ATP2B2: variants seen among roughly 807,000 people sequenced by gnomAD.
ATP2B2 encodes the protein plasma membrane calcium-transporting ATPase 2.
Under a neutral mutation model 120.0 loss-of-function variants are expected in ATP2B2, and 15 were observed. The ratio of observed to expected loss-of-function variants is 0.12; its 90% CI spans 0.08 to 0.19. The LOEUF (loss-of-function observed/expected upper bound fraction) is 0.19. ATP2B2 is among the 10% of genes least tolerant of loss of function. ATP2B2 has a pLI of 1.00. For missense variants in ATP2B2, 1,045 were observed against 1,719.8 expected (o/e 0.61, Z 6.94); for synonymous variants, 694 against 700.3 (o/e 0.99, Z 0.14).
chr3:10,541,961 T>A (rs1165567959), intron 2 of ATP2B2, among the ~76,000 whole-genome samples: 2 of 152,204 alleles, frequency 1.3e-5, no homozygotes, highest in Non-Finnish European at 2.9e-5. Context: ...AGGATTGCTA[T>A]GTCTTCCTGA....
intron 2 of ATP2B2, among the ~76,000 whole-genome samples, chr3:10,421,207 T>C (rs972651110): frequency 6.6e-6 from 1 of 152,184 alleles, no homozygotes; most frequent in African/African-American, 2.4e-5. Context: ...CGGCACAGCA[T>C]CACCTTTGAG....
Position 10,350,067 on chromosome 3 carries a change from C to T in ATP2B2, c.2404+45G>A, listed in dbSNP as rs374682755. On this transcript the variant is annotated intron_variant, in intron 16 of 22. Transcript: ENST00000360273. ...CAGGAGAGGAGGGCCCAGCTTCTGG[C>T]CTGGTGCTGGGCTTCAGGATTGCCC... is the stretch of plus-strand genomic sequence containing the variant. 3.1e-6 allele frequency: 5 copies of T among 1,592,868 alleles called. No individual in the cohort carries two copies. The African/African-American group carries it at 6.7e-5, about 21-fold the overall frequency.
At chr3:10,489,746 T>G (rs936296100) in intron 1 of ATP2B2, among the ~76,000 whole-genome samples, 2 of 152,316 alleles carry the variant, frequency 1.3e-5, no homozygotes, top group Admixed American at 1.3e-4. Context: ...CTACCCCAGC[T>G]GCACCGTGAG....
intron 1 of ATP2B2, among the ~76,000 whole-genome samples, chr3:10,684,564 G>GT (rs2125706860): frequency 6.6e-6 from 1 of 152,322 alleles, no homozygotes; most frequent in East Asian, 1.9e-4. Flanking sequence ...TATCTATTTA[G>GT]TAGCCACTCC....
chr3:10,392,843 G>A (rs2061899235), intron 5 of ATP2B2, among the ~76,000 whole-genome samples: 1 of 152,232 alleles, frequency 6.6e-6, no homozygotes, highest in African/African-American at 2.4e-5. Flanking sequence ...AGCTGGCTTA[G>A]GCCCCATATC....
chr3:10,471,938 G>T (rs1021993446), intron 1 of ATP2B2, among the ~76,000 whole-genome samples: 1 of 151,854 alleles, frequency 6.6e-6, no homozygotes, highest in Non-Finnish European at 1.5e-5. Flanking sequence ...AAAATTAGCC[G>T]GGTGTGGTGG....
chr3:10,625,744 T>C (rs1242755099), intron 1 of ATP2B2, among the ~76,000 whole-genome samples: 1 of 151,834 alleles, frequency 6.6e-6, no homozygotes, highest in East Asian at 1.9e-4. Context: ...CCCCCTCCCA[T>C]TGCCACCCAA....
At chr3:10,429,074 C>T (rs1356672531) in intron 2 of ATP2B2, among the ~76,000 whole-genome samples, 8 of 152,144 alleles carry the variant, frequency 5.3e-5, no homozygotes, top group Non-Finnish European at 1.0e-4. Context: ...CCCCTGGCTT[C>T]GTCTCCCACC....
intron 3 of ATP2B2, among the ~76,000 whole-genome samples, chr3:10,512,464 G>GCGCGCACA (rs749056818): frequency 2.7e-3 from 372 of 136,970 alleles, no homozygotes; most frequent in Middle Eastern, 0.015. Context: ...AAGTGTGTGC[G>GCGCGCACA]CACACACACA....
chr3:10,486,576 G>A (rs1445934694), intron 1 of ATP2B2, among the ~76,000 whole-genome samples: 2 of 152,028 alleles, frequency 1.3e-5, no homozygotes, highest in Non-Finnish European at 1.5e-5. Context: ...CTCCTTTGCT[G>A]GGACTGCTCT....
intron 11 of ATP2B2, among the ~76,000 whole-genome samples, chr3:10,374,607 TG>T (rs1282030135): frequency 6.6e-6 from 1 of 151,924 alleles, no homozygotes. Context: ...CCCTTCGAGG[TG>T]GAGAAAACAT....
In ATP2B2 at chr3:10,359,860, C is replaced by G. The variant is rs201555171; in HGVS notation, c.1901+22G>C. ...TGCACCAGGGCACAGCCCTCAGCCC[C>G]GGTGCCCTGCCCAGCGCTTACTTCT... On this transcript the variant is annotated intron_variant, in intron 13 of 22. Transcript: ENST00000360273. 1.7e-4 allele frequency: 270 copies of G among 1,614,106 alleles called. 1 individual carries two copies. In the African/African-American group the frequency reaches 3.1e-3, roughly 19 times the overall value.
intron 2 of ATP2B2, among the ~76,000 whole-genome samples, chr3:10,571,629 C>G (rs1205637642): frequency 6.6e-6 from 1 of 152,220 alleles, no homozygotes; most frequent in African/African-American, 2.4e-5. Flanking sequence ...CCTAGTAGCA[C>G]TGAACGCCAA....
intron 2 of ATP2B2, among the ~76,000 whole-genome samples, chr3:10,426,615 A>G (rs1007314999): frequency 2.0e-5 from 3 of 152,234 alleles, no homozygotes; most frequent in African/African-American, 7.2e-5. Context: ...GGGGAAATGC[A>G]ATCTCCAGCC....
At chr3:10,486,399 C>T (rs1396965814) in intron 1 of ATP2B2, among the ~76,000 whole-genome samples, 1 of 151,606 alleles carries the variant, frequency 6.6e-6, no homozygotes, top group Admixed American at 6.6e-5. Flanking sequence ...CAGGATCAGC[C>T]CCAAATTCCA....
At chr3:10,393,646 A>T (rs2061931668) in intron 5 of ATP2B2, among the ~76,000 whole-genome samples, 1 of 152,120 alleles carries the variant, frequency 6.6e-6, no homozygotes, top group African/African-American at 2.4e-5. Flanking sequence ...GGGGGGCCAG[A>T]GCGTGGTGGG....
intron 1 of ATP2B2, among the ~76,000 whole-genome samples, chr3:10,460,668 A>T (rs149861438): frequency 2.1e-4 from 32 of 152,320 alleles, no homozygotes; most frequent in Middle Eastern, 3.4e-3. Flanking sequence ...GGACTGAGCT[A>T]ACAAAATGAT....
At chr3:10,460,725 A>T (rs1575296148) in intron 1 of ATP2B2, among the ~76,000 whole-genome samples, 1 of 152,300 alleles carries the variant, frequency 6.6e-6, no homozygotes, top group South Asian at 2.1e-4. Context: ...TGCACTGTGG[A>T]CCCACTTCAG....
intron 2 of ATP2B2, among the ~76,000 whole-genome samples, chr3:10,537,776 A>C (rs2067350889): frequency 6.6e-6 from 1 of 152,216 alleles, no homozygotes; most frequent in Non-Finnish European, 1.5e-5. Context: ...AGCATTCAGT[A>C]AGTATAACAT....
Sources: gnomAD v4.1 joint callset for allele counts (sites outside exome capture counted in the v4.1 genomes callset) on GRCh38, gnomAD v4.1.1 for gene constraint, MANE v1.5 for transcripts, NCBI Gene and HGNC (gene_info 2026-07-23, HGNC 2026-07-21) for gene names.